The following CTDSPL2 variants were observed in gnomAD, a reference collection of about 807,000 sequenced individuals.
CTDSPL2 encodes CTD small phosphatase-like protein 2.
CTDSPL2 carries 5 observed loss-of-function variants against 60.0 expected under a neutral mutation model. That is an observed-to-expected ratio of 0.08 (90% CI 0.04 to 0.18). CTDSPL2 has a LOEUF of 0.18. CTDSPL2 is among the 10% of genes least tolerant of loss of function. The pLI is 1.00. For missense variants in CTDSPL2, 370 were observed against 548.8 expected, an observed-to-expected ratio of 0.67 and a Z score of 3.26; for synonymous variants, 186 against 189.3, an observed-to-expected ratio of 0.98 and a Z score of 0.14.
intron 2 of CTDSPL2, among the ~76,000 whole-genome samples, chr15:44,460,980 T>G (rs187397640): frequency 1.0e-3 from 154 of 152,300 alleles, no homozygotes; most frequent in African/African-American, 3.3e-3. Context: ...TCTTTTGCTT[T>G]CTCATGTTAC....
chr15:44,453,749 A>G (rs2080378389), intron 1 of CTDSPL2, among the ~76,000 whole-genome samples: 1 of 152,174 alleles, frequency 6.6e-6, no homozygotes, highest in Non-Finnish European at 1.5e-5. Flanking sequence ...TACAAAGGAC[A>G]TGAACTCATC....
chr15:44,462,741 C>G (rs1464409707), intron 2 of CTDSPL2, among the ~76,000 whole-genome samples: 1 of 116,726 alleles, frequency 8.6e-6, no homozygotes, highest in African/African-American at 3.5e-5. Context: ...GAGTCTTGGT[C>G]TGTTGCCCAG....
chr15:44,490,553 C>T (rs1203855419), intron 4 of CTDSPL2, among the ~76,000 whole-genome samples: 3 of 152,130 alleles, frequency 2.0e-5, no homozygotes, highest in African/African-American at 2.4e-5. Flanking sequence ...ATTACAATTG[C>T]ACACATGACT....
chr15:44,519,395 A>G, intron 11 of CTDSPL2, 100 bp downstream of exon 11: 3 of 1,040,022 alleles, frequency 2.9e-6, no homozygotes, highest in Admixed American at 2.9e-5. Flanking sequence ...GAGAATTTTC[A>G]CTGGTGGAAT....
chr15:44,508,903 G>A (rs1254062693), intron 8 of CTDSPL2, among the ~76,000 whole-genome samples: 1 of 152,156 alleles, frequency 6.6e-6, no homozygotes, highest in African/African-American at 2.4e-5. Context: ...GGGTGACAGA[G>A]TGAGACTCCA....
intron 1 of CTDSPL2, among the ~76,000 whole-genome samples, chr15:44,454,971 T>C (rs2080404405): frequency 6.6e-6 from 1 of 152,212 alleles, no homozygotes. Context: ...AAGAAAGTCA[T>C]TGGTAGCTTG....
chr15:44,445,013 T>G (rs761229077), intron 1 of CTDSPL2, among the ~76,000 whole-genome samples: 1 of 151,266 alleles, frequency 6.6e-6, no homozygotes, highest in Non-Finnish European at 1.5e-5. Flanking sequence ...CTAATTTTTT[T>G]TATATTTTTA....
At chr15:44,456,200 T>A (rs2080436780) in intron 1 of CTDSPL2, among the ~76,000 whole-genome samples, 1 of 152,162 alleles carries the variant, frequency 6.6e-6, no homozygotes, top group Admixed American at 6.6e-5. Context: ...GGTCTAAAAT[T>A]CTCTTTTTTT....
At chr15:44,456,854 T>C (rs2080454365) in intron 1 of CTDSPL2, among the ~76,000 whole-genome samples, 2 of 136,976 alleles carry the variant, frequency 1.5e-5, no homozygotes, top group Non-Finnish European at 3.1e-5. Context: ...GTTTTAGATC[T>C]TTTTTTTTTT....
chr15:44,506,025 CT>C (rs753896129), intron 8 of CTDSPL2, among the ~76,000 whole-genome samples: 2,077 of 117,546 alleles, frequency 0.018, 25 homozygotes, highest in East Asian at 0.12. Context: ...TCATTGGTAA[CT>C]TTTTTTTTTT....
chr15:44,492,488 A>C (rs776666636), intron 5 of CTDSPL2, among the ~76,000 whole-genome samples: 18 of 152,192 alleles, frequency 1.2e-4, no homozygotes, highest in Non-Finnish European at 2.9e-5. Flanking sequence ...GATATTTGTG[A>C]CTTATGATGG....
At chr15:44,503,135 C>A (rs1039180364) in intron 8 of CTDSPL2, among the ~76,000 whole-genome samples, 1 of 151,990 alleles carries the variant, frequency 6.6e-6, no homozygotes, top group Non-Finnish European at 1.5e-5. Flanking sequence ...TTTGAAAGAA[C>A]CGACTTGTTA....
At chr15:44,451,292 A>T (rs1006234911) in intron 1 of CTDSPL2, among the ~76,000 whole-genome samples, 8 of 151,912 alleles carry the variant, frequency 5.3e-5, no homozygotes, top group African/African-American at 1.9e-4. Flanking sequence ...TTTTTTGTAG[A>T]GACTGGGGAG....
chr15:44,430,412 A>AT (rs546622053), intron 1 of CTDSPL2, among the ~76,000 whole-genome samples: 4 of 151,982 alleles, frequency 2.6e-5, no homozygotes, highest in African/African-American at 9.7e-5. Context: ...CACCTGGCTA[A>AT]TTTTTTTAGT....
intron 1 of CTDSPL2, among the ~76,000 whole-genome samples, chr15:44,432,886 T>A (rs1416379910): frequency 6.6e-6 from 1 of 152,014 alleles, no homozygotes; most frequent in Admixed American, 6.6e-5. Context: ...TCTCCCAAAG[T>A]GCTGGGATTA....
At chr15:44,465,045 T>A (rs970449625) in intron 2 of CTDSPL2, among the ~76,000 whole-genome samples, 1 of 151,914 alleles carries the variant, frequency 6.6e-6, no homozygotes, top group Admixed American at 6.6e-5. Context: ...GGCCCTATCT[T>A]CAAATACGGT....
chr15:44,453,750 T>C (rs1263964635), intron 1 of CTDSPL2, among the ~76,000 whole-genome samples: 3 of 152,160 alleles, frequency 2.0e-5, no homozygotes, highest in Non-Finnish European at 2.9e-5. Context: ...ACAAAGGACA[T>C]GAACTCATCC....
chr15:44,455,362 G>C (rs1182978877), intron 1 of CTDSPL2, among the ~76,000 whole-genome samples: 1 of 152,160 alleles, frequency 6.6e-6, no homozygotes, highest in Non-Finnish European at 1.5e-5. Context: ...CATGTCATCT[G>C]CAAACAGGGA....
intron 8 of CTDSPL2, among the ~76,000 whole-genome samples, chr15:44,500,850 C>T (rs114620911): frequency 0.013 from 1,935 of 152,132 alleles, 53 homozygotes; most frequent in African/African-American, 0.045. Flanking sequence ...TAGTTTTAAC[C>T]TAGGGTAGGT....
Sources: allele counts gnomAD v4.1 joint callset (sites outside exome capture counted in the v4.1 genomes callset), GRCh38; gene constraint gnomAD v4.1.1; transcripts MANE v1.5; gene names NCBI Gene and HGNC (gene_info 2026-07-23, HGNC 2026-07-21).